The following IQSEC1 variants were observed in gnomAD, a reference collection of about 807,000 sequenced individuals.
IQSEC1 encodes IQ motif and SEC7 domain-containing protein 1.
A neutral mutation model predicts 91.0 loss-of-function variants in IQSEC1; 31 were observed. That is an observed-to-expected ratio of 0.34 (90% CI 0.26 to 0.46). The LOEUF (loss-of-function observed/expected upper bound fraction) is 0.46, where lower values mean the gene tolerates loss of function less well. IQSEC1 is among the 20% of genes least tolerant of loss of function. The probability of loss-of-function intolerance (pLI) is 1.00; values close to 1 mark genes in which losing one functional copy is unlikely to be tolerated. For missense variants in IQSEC1, 1,388 were observed against 1,575.6 expected (o/e 0.88, Z 2.02); for synonymous variants, 699 against 662.6 (o/e 1.05, Z -0.84).
At chr3:13,124,954 T>C (rs115393609) in intron 2 of IQSEC1, among the ~76,000 whole-genome samples, 2,802 of 152,302 alleles carry the variant, frequency 0.018, 34 homozygotes, top group Non-Finnish European at 0.03. Flanking sequence ...ACCGTCATGT[T>C]TGGCCAGGGC....
At chr3:13,189,898 G>A (rs1486646482) in intron 1 of IQSEC1, among the ~76,000 whole-genome samples, 1 of 152,156 alleles carries the variant, frequency 6.6e-6, no homozygotes, top group East Asian at 1.9e-4. Context: ...CAGTTGCTGG[G>A]GCCCTCATCC....
intron 1 of IQSEC1, among the ~76,000 whole-genome samples, chr3:12,945,740 G>A (rs1699139882): frequency 6.6e-6 from 1 of 152,150 alleles, no homozygotes; most frequent in African/African-American, 2.4e-5. Flanking sequence ...ACTACGCAGT[G>A]CAGTATTAGA....
intron 2 of IQSEC1, among the ~76,000 whole-genome samples, chr3:13,107,903 A>C (rs1576253410): frequency 6.6e-6 from 1 of 152,208 alleles, no homozygotes; most frequent in Non-Finnish European, 1.5e-5. Flanking sequence ...CCTGCTGCAC[A>C]CCAGCCTGGC....
At position 13,072,999 on chromosome 3, in the gene IQSEC1, G is replaced by A. The variant is rs898322610; in HGVS notation, c.16C>T (p.Arg6Cys). 4.5e-6 allele frequency: 7 copies of A among 1,551,510 alleles called. No individual in the cohort carries two copies. The African/African-American group carries it at 8.2e-5, about 18-fold the overall frequency. Residue 6 changes from arginine to cysteine, a missense_variant, in exon 1 of 14, where the codon CGC (arginine) becomes TGC (cysteine). Physicochemically the swap from Arg to Cys is radical, Grantham distance 180. Around this residue, in one of 2 missense-constraint regions of IQSEC1, gnomAD observed 1,059 missense variants for 1,317.8 expected, o/e 0.80. Coordinates refer to ENST00000613206, the MANE Select transcript of IQSEC1 (RefSeq NM_001134382.3). Reference sequence around the variant, plus strand: ...CCTGCCACATATACTCACAAATAGCGTCTTCTGCAAGCCATCCTGTGTGAA... The same window carrying A: ...CCTGCCACATATACTCACAAATAGCATCTTCTGCAAGCCATCCTGTGTGAA... MACRRRYFVEGEAPSS... is the reference protein window; with the variant it reads MACRRCYFVEGEAPSS...
At chr3:13,223,096 A>C (rs1428661791) in intron 1 of IQSEC1, among the ~76,000 whole-genome samples, 1 of 152,066 alleles carries the variant, frequency 6.6e-6, no homozygotes, top group Non-Finnish European at 1.5e-5. Flanking sequence ...GGGAGGTGTG[A>C]CCCATCCAGA....
At chr3:13,208,167 G>C (rs563472395) in intron 1 of IQSEC1, among the ~76,000 whole-genome samples, 1 of 149,870 alleles carries the variant, frequency 6.7e-6, no homozygotes, top group Non-Finnish European at 1.5e-5. Context: ...GACACTGCAC[G>C]GCCACTAGAT....
chr3:13,263,428 G>T (rs59071279), intron 1 of IQSEC1, among the ~76,000 whole-genome samples: 14,092 of 68,638 alleles, frequency 0.21, 1,738 homozygotes, highest in African/African-American at 0.49. Context: ...TTTTTTTTTT[G>T]GGGGGGGGGG....
At position 12,944,789 on chromosome 3, in the gene IQSEC1, A is replaced by G. The variant is rs541738153; in HGVS notation, c.24-2924T>C. On this transcript the variant is annotated intron_variant, in intron 1 of 13. Coordinates refer to ENST00000613206, the MANE Select transcript of IQSEC1 (RefSeq NM_001134382.3). ...AAGCAGTTTCCCTGCAGGTCCCTGG[A>G]GCTGAAGCAGGAAGCCCCTTGGTGG... is the stretch of plus-strand genomic sequence containing the variant. Among the ~76,000 whole-genome samples the G allele has an allele frequency of 5.9e-5, 9 of 152,322 alleles. No homozygotes were observed. The East Asian group carries it at 1.7e-3, about 29-fold the overall frequency.
rs370164390 is a variant in IQSEC1 at position 12,899,455 on chromosome 3, G to C, written c.*1528C>G. The C allele has an allele frequency of 2.1e-5, 34 of 1,605,936 alleles. No homozygotes were observed. The highest frequency in any genetic ancestry group is 2.3e-5 in the Non-Finnish European group (27 of 1,176,934). ...TGAAACTACAAAGTATGGCCCGTGG[G>C]TGACTCGGGCACAGACCTGCCGCGT... On this transcript the variant is annotated 3_prime_UTR_variant, in exon 14 of 14. Coordinates refer to ENST00000613206, the MANE Select transcript of IQSEC1 (RefSeq NM_001134382.3).
intron 1 of IQSEC1, among the ~76,000 whole-genome samples, chr3:13,194,840 C>T (rs1458723307): frequency 1.3e-5 from 2 of 152,148 alleles, no homozygotes; most frequent in Admixed American, 6.5e-5. Context: ...CAACCTCAGA[C>T]CCTAACCCAA....
chr3:13,112,583 G>A (rs1013616503), intron 2 of IQSEC1, among the ~76,000 whole-genome samples: 1 of 149,190 alleles, frequency 6.7e-6, no homozygotes, highest in Non-Finnish European at 1.5e-5. Flanking sequence ...GGCACTGCGT[G>A]CTGGCCCCCA....
exon 1 of IQSEC1, among the ~76,000 whole-genome samples, chr3:13,283,123 G>A (rs1355018965): frequency 9.7e-5 from 14 of 143,960 alleles, no homozygotes; most frequent in Non-Finnish European, 2.0e-4. Context: ...CGCCTCCGCC[G>A]GCGCCGCCCC....
intron 12 of IQSEC1, among the ~76,000 whole-genome samples, chr3:12,906,241 G>A (rs1421022049): frequency 3.3e-5 from 5 of 152,206 alleles, no homozygotes; most frequent in African/African-American, 9.7e-5. Context: ...CTGTCCGCAG[G>A]CTCACCTCTT....
intron 1 of IQSEC1, among the ~76,000 whole-genome samples, chr3:13,204,795 A>T (rs1262256746): frequency 8.5e-4 from 109 of 127,710 alleles, no homozygotes; most frequent in Admixed American, 1.2e-3. Flanking sequence ...TTCTCTTTCT[A>T]TCTTTCTTTC....
At chr3:13,169,692 C>CT (rs1693571692) in intron 1 of IQSEC1, among the ~76,000 whole-genome samples, 1 of 152,238 alleles carries the variant, frequency 6.6e-6, no homozygotes, top group South Asian at 2.1e-4. Context: ...AAAGGTGACT[C>CT]TTGTAATGTT....
chr3:13,253,012 G>A (rs963003972), intron 1 of IQSEC1, among the ~76,000 whole-genome samples: 3 of 152,182 alleles, frequency 2.0e-5, no homozygotes, highest in South Asian at 2.1e-4. Context: ...GACTACAGGC[G>A]TAAGCCACCG....
At position 12,899,532 on chromosome 3, in the gene IQSEC1, A is replaced by G. The variant is rs1339928301; in HGVS notation, c.*1451T>C. 8 of 1,529,620 alleles carry G rather than the reference A, an allele frequency of 5.2e-6. No individual in the cohort carries two copies. The highest frequency in any genetic ancestry group is 1.7e-4 in the Middle Eastern group (1 of 5,904). 94.8% of individuals were successfully genotyped at this position (1,529,620 alleles called of 1,614,324 possible). A position where few individuals can be genotyped will look rare whatever the true frequency, so the allele number is the denominator to read the frequency against. On this transcript the variant is annotated 3_prime_UTR_variant, in exon 14 of 14. Transcript: ENST00000613206. ...GTGTCACCACAACACAGAAGCGACA[A>G]GAGCACAGCTGAGAGTCATGTGATG...
intron 1 of IQSEC1, among the ~76,000 whole-genome samples, chr3:13,200,625 G>C (rs1184395698): frequency 6.6e-6 from 1 of 152,246 alleles, no homozygotes; most frequent in African/African-American, 2.4e-5. Flanking sequence ...ACAGGCAGCT[G>C]AAAGGCCAAG....
intron 1 of IQSEC1, among the ~76,000 whole-genome samples, chr3:13,071,153 G>GTTTTTTTTTTTTTTTTTTTT (rs796412810): frequency 1.1e-5 from 1 of 90,970 alleles, no homozygotes. Context: ...GTTTTTTTTT[G>GTTTTTTTTTTTTTTTTTTTT]TTTTTTTTTT....
Sources: gnomAD v4.1 joint callset for allele counts (sites outside exome capture counted in the v4.1 genomes callset) on GRCh38, gnomAD v4.1.1 for gene constraint, gnomAD v4.1.1 regional missense constraint, MANE v1.5 for transcripts, NCBI Gene and HGNC (gene_info 2026-07-23, HGNC 2026-07-21) for gene names.